MAGI3: variants seen among roughly 807,000 people sequenced by gnomAD.
The protein encoded by MAGI3 is membrane associated guanylate kinase, WW and PDZ domain containing 3.
In MAGI3, 43 loss-of-function variants were observed where a neutral mutation model predicts 121.8. That is an observed-to-expected ratio of 0.35 (90% confidence interval 0.28 to 0.46). The LOEUF (loss-of-function observed/expected upper bound fraction) is 0.46. MAGI3 is among the 20% of genes least tolerant of loss of function. MAGI3 has a pLI of 1.00. For missense variants in MAGI3, 1,547 were observed against 1,797.3 expected (o/e 0.86, Z 2.52); for synonymous variants, 553 against 639.3 (o/e 0.86, Z 2.04).
chr1:113,666,683 C>T (rs1453925281), intron 16 of MAGI3, among the ~76,000 whole-genome samples: 2 of 152,186 alleles, frequency 1.3e-5, no homozygotes, highest in Non-Finnish European at 2.9e-5. Context: ...CCATGAATCA[C>T]GAATGTTCTT....
At position 113,624,827 on chromosome 1, in the gene MAGI3, T is replaced by C. The variant is rs936746744; in HGVS notation, c.1360+1833T>C. On this transcript the variant is annotated intron_variant, in intron 9 of 20. Transcript: ENST00000307546. ...GAGTTTCCCCAATGTTTTCTTTTTT[T>C]AGTTTTACAGTTTGAAGTCTTAGAT... Among the ~76,000 whole-genome samples, 7 of 152,334 alleles carry C rather than the reference T, an allele frequency of 4.6e-5. No homozygotes were observed. The East Asian group carries it at 9.6e-4, about 21-fold the overall frequency.
intron 1 of MAGI3, among the ~76,000 whole-genome samples, chr1:113,538,176 A>T (rs894526993): frequency 1.3e-5 from 2 of 152,194 alleles, no homozygotes; most frequent in Admixed American, 6.5e-5. Context: ...CACACTATGA[A>T]TTCTCTAATT....
intron 1 of MAGI3, among the ~76,000 whole-genome samples, chr1:113,543,054 G>A (rs79381435): frequency 0.12 from 18,784 of 151,448 alleles, 1,235 homozygotes; most frequent in East Asian, 0.18. Flanking sequence ...TAATTAATAT[G>A]TATATAATAA....
intron 1 of MAGI3, among the ~76,000 whole-genome samples, chr1:113,475,690 T>C (rs1250749397): frequency 6.6e-6 from 1 of 152,290 alleles, no homozygotes; most frequent in African/African-American, 2.4e-5. Flanking sequence ...AAAATTCTCT[T>C]TTTTTGTTGT....
intron 1 of MAGI3, among the ~76,000 whole-genome samples, chr1:113,436,294 TTC>T (rs201301084): frequency 6.6e-6 from 1 of 151,922 alleles, no homozygotes; most frequent in African/African-American, 2.4e-5. Flanking sequence ...TGTAATTGCC[TTC>T]TCTCTCTCTC....
intron 1 of MAGI3, among the ~76,000 whole-genome samples, chr1:113,459,628 T>C (rs1217023987): frequency 1.3e-5 from 2 of 152,212 alleles, no homozygotes; most frequent in Non-Finnish European, 2.9e-5. Context: ...ACATTCACCA[T>C]CTAATAACTG....
At chr1:113,678,795 G>T (rs1269743048) in intron 19 of MAGI3, among the ~76,000 whole-genome samples, 1 of 152,166 alleles carries the variant, frequency 6.6e-6, no homozygotes, top group Non-Finnish European at 1.5e-5. Context: ...TGGAGCACAA[G>T]ATGTGAACCA....
intron 2 of MAGI3, 80 bp downstream of exon 2, chr1:113,549,711 G>A: frequency 1.5e-6 from 1 of 676,088 alleles, no homozygotes; most frequent in Non-Finnish European, 2.4e-6. Context: ...TAGTTTGATG[G>A]AGTATTTCAC....
At chr1:113,425,397 C>T (rs1380056523) in intron 1 of MAGI3, among the ~76,000 whole-genome samples, 1 of 149,710 alleles carries the variant, frequency 6.7e-6, no homozygotes, top group African/African-American at 2.5e-5. Flanking sequence ...ATTCTCCTGC[C>T]TCAGCCTCCC....
chr1:113,459,196 A>G (rs759575198), intron 1 of MAGI3, among the ~76,000 whole-genome samples: 6 of 152,200 alleles, frequency 3.9e-5, no homozygotes, highest in Non-Finnish European at 7.3e-5. Context: ...TTGTTGAAGA[A>G]AGGATAAACA....
chr1:113,410,081 T>C (rs755771980), intron 1 of MAGI3, among the ~76,000 whole-genome samples: 4 of 152,192 alleles, frequency 2.6e-5, no homozygotes, highest in Non-Finnish European at 5.9e-5. Context: ...TGCCTGAAGA[T>C]GGTCTTTCTC....
In MAGI3 at chr1:113,651,025, G is replaced by A; in HGVS notation, c.2259G>A (p.Gly753=). ...GDGPDQSIYI[G]AIIPLGAAEK... is the part of the protein sequence containing the mutation. ...TGTTATCTTATCAGATATATATTGGGGCTATTATTCCCCTGGGAGCAGCTG... is the reference window on the plus strand; with the variant it reads ...TGTTATCTTATCAGATATATATTGGAGCTATTATTCCCCTGGGAGCAGCTG... Residue 753 remains glycine (G), a synonymous_variant, in exon 14 of 21, where the codon GGG becomes GGA. Transcript: ENST00000307546. The A allele has an allele frequency of 6.2e-7, 1 of 1,613,874 alleles. No homozygotes were observed. Among genetic ancestry groups the A allele is most frequent in the Non-Finnish European group, 8.5e-7 (1 of 1,179,860 alleles).
Position 113,549,575 on chromosome 1 carries a change from T to G in MAGI3, c.377T>G (p.Ile126Ser). The G allele has an allele frequency of 6.2e-7, 1 of 1,611,622 alleles. No homozygotes were observed. The highest frequency in any genetic ancestry group is 1.3e-5 in the African/African-American group (1 of 74,910). Residue 126 changes from isoleucine (I) to serine (S), a missense_variant, in exon 2 of 21, where the codon ATT becomes AGT. Physicochemically the swap from Ile to Ser is moderately radical, Grantham distance 142. Transcript: ENST00000307546. The part of the protein sequence containing the change: ...YLSLQFQKGS[I>S]DHKLQQVIRD... Reference sequence around the variant, plus strand: ...AGTCTTCAGTTTCAAAAAGGATCAATTGACCACAAACTGCAGCAAGTGATC... The same window carrying G: ...AGTCTTCAGTTTCAAAAAGGATCAAGTGACCACAAACTGCAGCAAGTGATC...
intron 1 of MAGI3, among the ~76,000 whole-genome samples, chr1:113,491,405 A>G (rs1656659987): frequency 6.6e-6 from 1 of 152,226 alleles, no homozygotes; most frequent in African/African-American, 2.4e-5. Flanking sequence ...TATAGCACTA[A>G]ATGCCCACAT....
intron 1 of MAGI3, among the ~76,000 whole-genome samples, chr1:113,538,342 T>G (rs955110006): frequency 4.6e-5 from 7 of 152,204 alleles, no homozygotes; most frequent in African/African-American, 1.4e-4. Flanking sequence ...TATTATGTTT[T>G]CAGTGAAAAT....
intron 1 of MAGI3, among the ~76,000 whole-genome samples, chr1:113,474,921 G>A (rs545608860): frequency 5.3e-5 from 8 of 152,296 alleles, no homozygotes; most frequent in African/African-American, 1.7e-4. Context: ...TCCTTGAGCA[G>A]TGGTTTGTAG....
intron 6 of MAGI3, among the ~76,000 whole-genome samples, chr1:113,599,892 C>A (rs1315497356): frequency 6.6e-6 from 1 of 152,008 alleles, no homozygotes; most frequent in Non-Finnish European, 1.5e-5. Context: ...TGGGCTTCAT[C>A]CCTGGGATGC....
intron 5 of MAGI3, 53 bp downstream of exon 5, chr1:113,590,711 C>CT (rs1173323703): frequency 6.7e-7 from 1 of 1,492,698 alleles, no homozygotes; most frequent in African/African-American, 1.4e-5. Flanking sequence ...TGAGGATTGT[C>CT]TAAGATTTTT....
intron 2 of MAGI3, among the ~76,000 whole-genome samples, chr1:113,577,738 A>G (rs1647742795): frequency 6.6e-6 from 1 of 152,210 alleles, no homozygotes; most frequent in South Asian, 2.1e-4. Flanking sequence ...ATCATGGACA[A>G]CATCCTGCTC....
Sources: gnomAD v4.1 joint callset for allele counts (sites outside exome capture counted in the v4.1 genomes callset) on GRCh38, gnomAD v4.1.1 for gene constraint, MANE v1.5 for transcripts, NCBI Gene and HGNC (gene_info 2026-07-23, HGNC 2026-07-21) for gene names.